The following JAML variants were observed in gnomAD, a reference collection of about 807,000 sequenced individuals.
JAML encodes the protein junctional adhesion molecule-like.
Under a neutral mutation model 39.3 loss-of-function variants are expected in JAML, and 25 were observed. That is an observed-to-expected ratio of 0.64 (90% CI 0.46 to 0.89). JAML has a LOEUF of 0.89. Ranked by LOEUF, JAML falls within the 40% of genes least tolerant of loss-of-function variation. The pLI is 0.00. For synonymous variants in JAML, 162 were observed against 179.2 expected, an observed-to-expected ratio of 0.90 and a Z score of 0.77; for missense variants, 440 against 486.9, an observed-to-expected ratio of 0.90 and a Z score of 0.91.
intron 4 of JAML, among the ~76,000 whole-genome samples, chr11:118,208,390 A>G (rs529128815): frequency 7.9e-5 from 12 of 152,366 alleles, no homozygotes; most frequent in African/African-American, 2.9e-4. Context: ...CTACAACTCC[A>G]TTTTTTAGAA....
intron 9 of JAML, among the ~76,000 whole-genome samples, chr11:118,196,291 C>G (rs1244079503): frequency 1.3e-5 from 2 of 151,650 alleles, no homozygotes; most frequent in Non-Finnish European, 2.9e-5. Flanking sequence ...CCACACCTGG[C>G]CAATTTTTGT....
At position 118,212,491 on chromosome 11, in the gene JAML, A is replaced by G; in HGVS notation, c.114T>C (p.Ala38=). Residue 38 remains alanine, a synonymous_variant, in exon 3 of 10, where the codon GCT becomes GCC. Coordinates refer to ENST00000356289, the MANE Select transcript of JAML (RefSeq NM_001098526.2). ...PELTVHVGDS[A]LMGCVFQSTE... ...TGCTCTGGAAAACACATCCCATCAG[A>G]GCTGAATCACCCACATGGACTGTTA... is the stretch of plus-strand genomic sequence containing the variant. The G allele has an allele frequency of 6.2e-7, 1 of 1,614,194 alleles. No individual in the cohort carries two copies.
chr11:118,199,533 A>G (rs1285805908), intron 7 of JAML, among the ~76,000 whole-genome samples: 1 of 152,096 alleles, frequency 6.6e-6, no homozygotes, highest in Non-Finnish European at 1.5e-5. Context: ...GATCTGCACT[A>G]CAAGCATACT....
intron 5 of JAML, chr11:118,205,311 T>C (rs1398431680): frequency 6.6e-6 from 1 of 152,476 alleles, no homozygotes; most frequent in African/African-American, 2.4e-5. Context: ...GGTTGAGAGC[T>C]ACTGGTCTAA....
chr11:118,217,310 C>A (rs1312489864), intron 1 of JAML, among the ~76,000 whole-genome samples: 1 of 152,172 alleles, frequency 6.6e-6, no homozygotes, highest in Non-Finnish European at 1.5e-5. Flanking sequence ...TAAGAGGAAG[C>A]CAGCGACTCT....
intron 1 of JAML, among the ~76,000 whole-genome samples, chr11:118,220,817 C>T (rs189852124): frequency 3.3e-5 from 5 of 152,292 alleles, no homozygotes; most frequent in Middle Eastern, 3.4e-3. Flanking sequence ...GAAAAAGCCC[C>T]GCACAGCTTG....
At chr11:118,197,933 C>T (rs759498510) in intron 8 of JAML, 65 bp downstream of exon 8, 17 of 1,441,204 alleles carry the variant, frequency 1.2e-5, no homozygotes, top group African/African-American at 7.1e-5. Context: ...GATATGGTTC[C>T]CGGGGGTATG....
chr11:118,200,337 C>T lies in JAML; in HGVS notation c.911+137G>A. 3.7e-6 allele frequency: 4 copies of T among 1,086,278 alleles called. No individual in the cohort carries two copies. In the South Asian group the frequency reaches 4.9e-5, roughly 13 times the overall value. The allele number at this position is 1,086,278 out of a possible 1,614,324, so 67.3% of individuals were successfully genotyped here. Reference sequence around the variant, plus strand: ...CAGTAAGCAAAGTGGGCAGGGTTACCACAGATGATTCCATTTAAAAATACC... The same window carrying T: ...CAGTAAGCAAAGTGGGCAGGGTTACTACAGATGATTCCATTTAAAAATACC... On this transcript the variant is annotated intron_variant, in intron 7 of 9. Transcript: ENST00000356289.
At position 118,196,880 on chromosome 11, in the gene JAML, G is replaced by C. The variant is rs76691458; in HGVS notation, c.1006-59C>G. On this transcript the variant is annotated intron_variant, in intron 8 of 9. Coordinates refer to ENST00000356289, the MANE Select transcript of JAML (RefSeq NM_001098526.2). Reference sequence around the variant, plus strand: ...AATTAGATGAATCTTATACACCAGAGAAAAGGCCACCCACTCCTATTTGCT... The same window carrying C: ...AATTAGATGAATCTTATACACCAGACAAAAGGCCACCCACTCCTATTTGCT... 303 of 1,425,490 alleles carry C rather than the reference G, an allele frequency of 2.1e-4. No homozygotes were observed. The African/African-American group carries it at 4.1e-3, about 19-fold the overall frequency. The allele number at this position is 1,425,490 out of a possible 1,614,324, so 88.3% of individuals were successfully genotyped here.
chr11:118,209,264 A>G (rs1457391457), intron 4 of JAML: 2 of 173,774 alleles, frequency 1.2e-5, no homozygotes, highest in Non-Finnish European at 2.4e-5. Context: ...CTCCCTTTCA[A>G]ACTGCTTGCA....
At chr11:118,224,329 A>G (rs1296942948) in intron 1 of JAML, among the ~76,000 whole-genome samples, 1 of 152,170 alleles carries the variant, frequency 6.6e-6, no homozygotes, top group African/African-American at 2.4e-5. Flanking sequence ...CTGAGGGTGT[A>G]ACAAGCATGG....
At chr11:118,197,833 C>T (rs1416899510) in intron 8 of JAML, 165 bp downstream of exon 8, 5 of 636,668 alleles carry the variant, frequency 7.9e-6, no homozygotes, top group Admixed American at 2.8e-5. Flanking sequence ...CACTGTACTC[C>T]GCAGAGGCTC....
intron 9 of JAML, 114 bp from the exon 10 acceptor site, chr11:118,194,531 A>C (rs1948615386): frequency 1.3e-6 from 1 of 774,752 alleles, no homozygotes; most frequent in Non-Finnish European, 2.2e-6. Context: ...ACTGAATTTC[A>C]TATGCATTAT....
intron 9 of JAML, among the ~76,000 whole-genome samples, chr11:118,194,670 C>T (rs1948617292): frequency 6.6e-6 from 1 of 152,140 alleles, no homozygotes; most frequent in Non-Finnish European, 1.5e-5. Flanking sequence ...AGAATTTGGA[C>T]CCAGGTCTGT....
chr11:118,194,585 T>C (rs1372911865), intron 9 of JAML, among the ~76,000 whole-genome samples, 168 bp from the exon 10 acceptor site: 2 of 152,204 alleles, frequency 1.3e-5, no homozygotes, highest in Non-Finnish European at 2.9e-5. Flanking sequence ...TATTATTGCC[T>C]TTCTAAGGAT....
intron 2 of JAML, 49 bp from the exon 3 acceptor site, chr11:118,212,610 A>G (rs530249628): frequency 1.9e-6 from 3 of 1,598,174 alleles, no homozygotes; most frequent in Admixed American, 1.7e-5. Flanking sequence ...AAATACTCTC[A>G]ACAACAAAAA....
At chr11:118,205,637 T>C in intron 5 of JAML, 1 of 482,912 alleles carries the variant, frequency 2.1e-6, no homozygotes, top group Non-Finnish European at 3.8e-6. Context: ...TTATACAAAA[T>C]GCTTTACATG....
chr11:118,200,742 C>G (rs975937464), intron 6 of JAML, 130 bp from the exon 7 acceptor site: 1 of 997,690 alleles, frequency 1.0e-6, no homozygotes, highest in South Asian at 1.5e-5. Context: ...CACCCCATAT[C>G]TGGACACTAG....
Position 118,199,602 on chromosome 11 carries a change from G to A in JAML, c.911+872C>T, listed in dbSNP as rs372518402. On this transcript the variant is annotated intron_variant, in intron 7 of 9. Transcript: ENST00000356289. ...TCTGCCAACAGCCAGTGAAACACAAGTGTCCCTGTTGGAGCATCTGGGCAC... is the reference window on the plus strand; with the variant it reads ...TCTGCCAACAGCCAGTGAAACACAAATGTCCCTGTTGGAGCATCTGGGCAC... 3.3e-5 allele frequency among the ~76,000 whole-genome samples: 5 copies of A among 152,198 alleles called. No individual in the cohort carries two copies. In the South Asian group the frequency reaches 8.3e-4, roughly 25 times the overall value.
Sources: gnomAD v4.1 joint callset for allele counts (sites outside exome capture counted in the v4.1 genomes callset) on GRCh38, gnomAD v4.1.1 for gene constraint, MANE v1.5 for transcripts, NCBI Gene and HGNC (gene_info 2026-07-23, HGNC 2026-07-21) for gene names.